ADGRL2: variants seen among roughly 807,000 people sequenced by gnomAD.
ADGRL2 encodes the protein calcium-independent alpha-latrotoxin receptor 2.
A neutral mutation model predicts 157.4 loss-of-function variants in ADGRL2; 44 were observed. The observed-to-expected ratio is 0.28, with a 90% CI of 0.22 to 0.36. ADGRL2 has a LOEUF of 0.36. ADGRL2 is among the 10% of genes least tolerant of loss of function. The probability of loss-of-function intolerance (pLI) is 1.00; values close to 1 mark genes in which losing one functional copy is unlikely to be tolerated. For synonymous variants in ADGRL2, 585 were observed against 624.7 expected (o/e 0.94, Z 0.95); for missense variants, 1,510 against 1,768.9 (o/e 0.85, Z 2.63).
chr1:81,801,512 G>A (rs1358385335), intron 1 of ADGRL2, among the ~76,000 whole-genome samples: 1 of 152,224 alleles, frequency 6.6e-6, no homozygotes, highest in East Asian at 1.9e-4. Flanking sequence ...AATTCCTTGG[G>A]ATTGTTGGGG....
rs138833750 is a variant in ADGRL2, at chr1:81,537,996, G to T, written c.-247-42880G>T. Among the ~76,000 whole-genome samples, 465 of 152,174 alleles carry T rather than the reference G, an allele frequency of 3.1e-3. 2 individuals carry two copies. The highest frequency in any genetic ancestry group is 0.014 in the Middle Eastern group (4 of 294). ...ATTACAGGTATGAGCCACCATGCCC[G>T]GCCGTGTCTCCTTGATTACAGGAAA... On this transcript the variant is annotated intron_variant, in intron 2 of 24. Transcript: ENST00000370721.
chr1:81,387,635 C>T (rs555958224), intron 1 of ADGRL2, among the ~76,000 whole-genome samples: 1 of 152,212 alleles, frequency 6.6e-6, no homozygotes, highest in Non-Finnish European at 1.5e-5. Context: ...ATTTTAACTG[C>T]TATATATCCG....
chr1:81,628,618 C>T (rs2081954652), intron 3 of ADGRL2, among the ~76,000 whole-genome samples: 1 of 152,156 alleles, frequency 6.6e-6, no homozygotes. Context: ...CCTATTTCCT[C>T]AGCAAATTAG....
chr1:81,369,562 G>A (rs142229008), intron 1 of ADGRL2, among the ~76,000 whole-genome samples: 1 of 152,030 alleles, frequency 6.6e-6, no homozygotes, highest in East Asian at 1.9e-4. Flanking sequence ...GGGGTCTATT[G>A]TTCTGCTTCT....
Position 81,393,835 on chromosome 1 carries a change from C to CTT in ADGRL2, c.-301-51194_-301-51193dup, listed in dbSNP as rs757631237. ...TTGCCTTGCTTTTTTTTTTTTTTTG[C>CTT]TTTTTTTTGCTTTTTTCTCCCAGAA... On this transcript the variant is annotated intron_variant, in intron 1 of 24. Coordinates refer to the ADGRL2 transcript ENST00000370721. Among the ~76,000 whole-genome samples, 3 of 87,974 alleles carry CTT rather than the reference C, an allele frequency of 3.4e-5. No individual in the cohort carries two copies. In the South Asian group the frequency reaches 1.0e-3, roughly 30 times the overall value. The allele number at this position is 87,974 out of a possible 152,430, so 57.7% of individuals were successfully genotyped here.
In ADGRL2 at chr1:81,993,552, T is replaced by C. The variant is rs1664960881; in HGVS notation, c.*2407T>C. Among the ~76,000 whole-genome samples, 1 of 152,176 alleles carries C rather than the reference T, an allele frequency of 6.6e-6. No individual in the cohort carries two copies. The highest frequency in any genetic ancestry group is 2.4e-5 in the African/African-American group (1 of 41,452). On this transcript the variant is annotated 3_prime_UTR_variant, in exon 24 of 24. Transcript: ENST00000686636. ...CTACTGTTCTCTAACGTCTTTATCC[T>C]ATGGATTCAATTTGGAAGCCATCAT...
At chr1:81,648,442 T>G (rs531296275) in intron 3 of ADGRL2, among the ~76,000 whole-genome samples, 68 of 152,302 alleles carry the variant, frequency 4.5e-4, no homozygotes, top group African/African-American at 1.6e-3. Context: ...ACTGAGTGCA[T>G]TGACATGTTG....
At chr1:81,595,603 T>A (rs2081215045) in intron 3 of ADGRL2, among the ~76,000 whole-genome samples, 1 of 152,200 alleles carries the variant, frequency 6.6e-6, no homozygotes, top group Non-Finnish European at 1.5e-5. Context: ...GTGGTCAAAA[T>A]TGATTAACAT....
intron 2 of ADGRL2, among the ~76,000 whole-genome samples, chr1:81,499,830 CAGTA>C (rs1310466212): frequency 6.6e-5 from 10 of 152,072 alleles, no homozygotes; most frequent in Non-Finnish European, 1.5e-4. Flanking sequence ...ATTCTTATGA[CAGTA>C]GGTATTGTTA....
intron 1 of ADGRL2, among the ~76,000 whole-genome samples, chr1:81,339,470 T>G (rs147033603): frequency 3.9e-4 from 59 of 152,354 alleles, no homozygotes; most frequent in African/African-American, 1.3e-3. Context: ...CCATGTCTTA[T>G]TTTATTTTGT....
chr1:81,478,721 C>G (rs1306299562), intron 2 of ADGRL2, among the ~76,000 whole-genome samples: 1 of 152,178 alleles, frequency 6.6e-6, no homozygotes, highest in Non-Finnish European at 1.5e-5. Context: ...AGTCGCTACA[C>G]TGCCTCACGA....
intron 15 of ADGRL2, among the ~76,000 whole-genome samples, chr1:81,969,783 G>T (rs545099094): frequency 6.6e-6 from 1 of 152,186 alleles, no homozygotes; most frequent in East Asian, 1.9e-4. Context: ...ACAGAACTTA[G>T]TTAGTTAATG....
intron 6 of ADGRL2, among the ~76,000 whole-genome samples, chr1:81,944,193 A>C (rs1448827091): frequency 6.6e-6 from 1 of 152,042 alleles, no homozygotes; most frequent in Non-Finnish European, 1.5e-5. Context: ...AATGCCAGAT[A>C]TATGCGTTCT....
intron 3 of ADGRL2, among the ~76,000 whole-genome samples, chr1:81,682,854 G>A (rs559193222): frequency 3.6e-4 from 55 of 152,278 alleles, no homozygotes; most frequent in African/African-American, 1.3e-3. Flanking sequence ...GTTTTGGGCC[G>A]GGCGCAGTGG....
intron 2 of ADGRL2, among the ~76,000 whole-genome samples, chr1:81,793,549 GC>G (rs1375913915): frequency 6.6e-6 from 1 of 151,940 alleles, no homozygotes; most frequent in African/African-American, 2.4e-5. Context: ...AAAAATTCAG[GC>G]AAAGACAGAC....
chr1:81,721,824 C>T, intron 1 of ADGRL2: 2 of 958,440 alleles, frequency 2.1e-6, no homozygotes, highest in East Asian at 4.9e-5. Flanking sequence ...CCACCTGCTA[C>T]TCAGAAAGCT....
chr1:81,912,202 G>C (rs1049486085), intron 3 of ADGRL2, among the ~76,000 whole-genome samples: 3 of 151,856 alleles, frequency 2.0e-5, no homozygotes, highest in Admixed American at 1.3e-4. Flanking sequence ...CTCCCAAGTA[G>C]CTGGGATTAT....
At chr1:81,429,603 G>A (rs61773167) in intron 1 of ADGRL2, among the ~76,000 whole-genome samples, 9,826 of 152,260 alleles carry the variant, frequency 0.065, 363 homozygotes, top group Middle Eastern at 0.14. Flanking sequence ...CTTCGGTTCT[G>A]CCCTGAAGGA....
At chr1:81,777,349 G>A (rs2086627982) in intron 2 of ADGRL2, among the ~76,000 whole-genome samples, 1 of 152,050 alleles carries the variant, frequency 6.6e-6, no homozygotes. Context: ...TTTTCCCCCA[G>A]GAGTACTGTT....
Sources: gnomAD v4.1 joint callset for allele counts (sites outside exome capture counted in the v4.1 genomes callset) on GRCh38, gnomAD v4.1.1 for gene constraint, MANE v1.5 for transcripts, NCBI Gene and HGNC (gene_info 2026-07-23, HGNC 2026-07-21) for gene names.